Variants in GRM7 observed in about 807,000 individuals in gnomAD.
GRM7 encodes the protein glutamate metabotropic receptor 7.
GRM7 carries 35 observed loss-of-function variants against 84.5 expected under a neutral mutation model. That is an observed-to-expected ratio of 0.41 (90% confidence interval 0.32 to 0.55). The LOEUF is 0.55. GRM7 is among the 20% of genes least tolerant of loss of function. GRM7 has a pLI of 0.19. For missense variants in GRM7, 1,003 were observed against 1,194.6 expected, an observed-to-expected ratio of 0.84 and a Z score of 2.36; for synonymous variants, 487 against 455.1, an observed-to-expected ratio of 1.07 and a Z score of -0.89.
intron 1 of GRM7, among the ~76,000 whole-genome samples, chr3:7,000,260 C>G (rs1001902246): frequency 6.7e-6 from 1 of 149,710 alleles, no homozygotes; most frequent in Non-Finnish European, 1.5e-5. Flanking sequence ...CAACTTCTGA[C>G]TCCCAGGTTC....
intron 1 of GRM7, among the ~76,000 whole-genome samples, chr3:6,925,009 T>C (rs1448279706): frequency 1.3e-5 from 2 of 152,142 alleles, no homozygotes; most frequent in African/African-American, 4.8e-5. Context: ...AGGCTTCTTA[T>C]ATGGTAGAAG....
chr3:7,320,756 G>T (rs952183499), intron 4 of GRM7, among the ~76,000 whole-genome samples: 1 of 147,242 alleles, frequency 6.8e-6, no homozygotes, highest in Non-Finnish European at 1.5e-5. Flanking sequence ...TTTGGAAATG[G>T]ATCCTTACTG....
chr3:7,215,161 C>G (rs1034879017), intron 2 of GRM7, among the ~76,000 whole-genome samples: 1 of 152,138 alleles, frequency 6.6e-6, no homozygotes, highest in Non-Finnish European at 1.5e-5. Context: ...ACGTTATCCC[C>G]TGAAACTCTG....
intron 7 of GRM7, among the ~76,000 whole-genome samples, chr3:7,462,926 C>A (rs553585846): frequency 6.6e-6 from 1 of 152,228 alleles, no homozygotes; most frequent in South Asian, 2.1e-4. Flanking sequence ...TATTCTGAAT[C>A]CAAGGCACAC....
chr3:7,149,881 G>A (rs545207634), intron 2 of GRM7, among the ~76,000 whole-genome samples: 2 of 152,276 alleles, frequency 1.3e-5, no homozygotes, highest in East Asian at 3.9e-4. Flanking sequence ...TACTGTTTGA[G>A]TCTGAAAACT....
At chr3:7,302,516 C>T (rs1035538662) in intron 3 of GRM7, among the ~76,000 whole-genome samples, 4 of 152,038 alleles carry the variant, frequency 2.6e-5, no homozygotes, top group African/African-American at 9.7e-5. Flanking sequence ...CTTCAAACTT[C>T]GTCAGCACCT....
At chr3:7,403,755 T>G (rs1440226934) in intron 4 of GRM7, among the ~76,000 whole-genome samples, 1 of 85,478 alleles carries the variant, frequency 1.2e-5, no homozygotes, top group Non-Finnish European at 2.4e-5. Context: ...GTGAATATAT[T>G]TGTATATATA....
rs1559514628 is a variant in GRM7, at chr3:7,229,747, ATATATATATATATT to A, written c.737-68935_737-68922del. ...CACACATATATATATATATATATAT[ATATATATATATATT>A]TTTTTTTTTTTTTGGTTGACAGGTG... On this transcript the variant is annotated intron_variant, in intron 2 of 9. Coordinates refer to ENST00000357716, the MANE Select transcript of GRM7 (RefSeq NM_000844.4). Among the ~76,000 whole-genome samples the A allele has an allele frequency of 2.3e-3, 67 of 29,764 alleles. 2 individuals carry two copies. Among genetic ancestry groups the A allele is most frequent in the Non-Finnish European group, 2.6e-3 (40 of 15,568 alleles). 19.5% of individuals were successfully genotyped at this position (29,764 alleles called of 152,430 possible).
intron 2 of GRM7, among the ~76,000 whole-genome samples, chr3:7,240,960 A>G (rs913585204): frequency 6.6e-6 from 1 of 152,194 alleles, no homozygotes; most frequent in African/African-American, 2.4e-5. Flanking sequence ...GCCTAGGAGC[A>G]ATAGGCTATA....
intron 8 of GRM7, among the ~76,000 whole-genome samples, chr3:7,678,499 G>C (rs1700228589): frequency 6.6e-6 from 1 of 152,196 alleles, no homozygotes; most frequent in South Asian, 2.1e-4. Flanking sequence ...ACCATGTAAA[G>C]CCTTTCTTGA....
At chr3:7,027,880 GT>G (rs1696038024) in intron 1 of GRM7, among the ~76,000 whole-genome samples, 1 of 151,864 alleles carries the variant, frequency 6.6e-6, no homozygotes, top group Admixed American at 6.6e-5. Flanking sequence ...CACATGGATG[GT>G]TTTTTCCATC....
intron 7 of GRM7, among the ~76,000 whole-genome samples, chr3:7,467,917 A>T (rs970491969): frequency 3.9e-5 from 6 of 152,220 alleles, no homozygotes; most frequent in African/African-American, 1.4e-4. Flanking sequence ...TATTAAACTG[A>T]GGTGATTCAA....
chr3:7,477,672 C>A (rs185730467), intron 7 of GRM7, among the ~76,000 whole-genome samples: 1 of 151,992 alleles, frequency 6.6e-6, no homozygotes, highest in African/African-American at 2.4e-5. Flanking sequence ...GTGATCAACG[C>A]GAAGAAACAT....
In GRM7 at chr3:7,461,728, T is replaced by C. The variant is rs758859533; in HGVS notation, c.1515+6T>C. On this transcript the variant is annotated splice_donor_region_variant and intron_variant, in intron 7 of 9. Coordinates refer to ENST00000357716, the MANE Select transcript of GRM7 (RefSeq NM_000844.4). ...CAGACGAACTTCAGCTCAATGTGAG[T>C]TCTGCTTGCTTCTCTTCTTCCCTTG... 2 of 1,612,376 alleles carry C rather than the reference T, an allele frequency of 1.2e-6. No homozygotes were observed. The highest frequency in any genetic ancestry group is 2.7e-5 in the African/African-American group (2 of 74,828).
chr3:7,407,905 A>G (rs905522858), intron 4 of GRM7, among the ~76,000 whole-genome samples: 5 of 152,162 alleles, frequency 3.3e-5, no homozygotes, highest in African/African-American at 9.7e-5. Context: ...TCCTCACCTT[A>G]TATGTGTGTC....
chr3:7,528,332 T>C (rs910225834), intron 7 of GRM7, among the ~76,000 whole-genome samples: 4 of 152,112 alleles, frequency 2.6e-5, no homozygotes, highest in African/African-American at 9.7e-5. Flanking sequence ...TAATAGTCTC[T>C]GAGAATCTTT....
chr3:7,359,143 A>G (rs1222358114), intron 4 of GRM7, among the ~76,000 whole-genome samples: 2 of 121,032 alleles, frequency 1.7e-5, no homozygotes, highest in Non-Finnish European at 3.5e-5. Context: ...AAAGAAAGGA[A>G]TTGCCTTAGG....
intron 9 of GRM7, among the ~76,000 whole-genome samples, chr3:7,707,617 GAAAAT>G (rs1559499251): frequency 6.6e-6 from 1 of 152,100 alleles, no homozygotes; most frequent in Non-Finnish European, 1.5e-5. Context: ...AAAGGAAAAT[GAAAAT>G]ACTATTTACA....
intron 1 of GRM7, among the ~76,000 whole-genome samples, chr3:6,970,213 G>A (rs539374): frequency 0.78 from 118,579 of 151,924 alleles, 46,429 homozygotes; most frequent in East Asian, 0.99. Flanking sequence ...ACTGCTCCAA[G>A]ACTTTCCCTT....
Sources: gnomAD v4.1 joint callset for allele counts (sites outside exome capture counted in the v4.1 genomes callset) on GRCh38, gnomAD v4.1.1 for gene constraint, MANE v1.5 for transcripts, NCBI Gene and HGNC (gene_info 2026-07-23, HGNC 2026-07-21) for gene names.